The following DDIAS variants were observed in gnomAD, a reference collection of about 807,000 sequenced individuals.
DDIAS encodes DNA damage induced apoptosis suppressor.
DDIAS carries 14 observed loss-of-function variants against 15.7 expected under a neutral mutation model. The observed-to-expected ratio is 0.89, with a 90% CI of 0.59 to 1.39. DDIAS has a LOEUF of 1.39. Ranked by LOEUF, DDIAS falls within the 40% of genes most tolerant of loss-of-function variation. The probability of loss-of-function intolerance (pLI) is 0.00; values close to 1 mark genes in which losing one functional copy is unlikely to be tolerated. For synonymous variants in DDIAS, 355 were observed against 395.9 expected (o/e 0.90, Z 1.23); for missense variants, 1,035 against 1,130.9 (o/e 0.92, Z 1.22).
At chr11:82,909,080 G>C (rs1904426) in intron 1 of DDIAS, among the ~76,000 whole-genome samples, 71,824 of 151,964 alleles carry the variant, frequency 0.47, 17,144 homozygotes, top group African/African-American at 0.53. Context: ...AGTCCATAAA[G>C]TGAGAGCAAG....
chr11:82,911,910 A>C (rs1278804620), intron 1 of DDIAS, among the ~76,000 whole-genome samples: 1 of 152,156 alleles, frequency 6.6e-6, no homozygotes, highest in Non-Finnish European at 1.5e-5. Flanking sequence ...TGTGCATCTC[A>C]TCAGAGCTCT....
intron 1 of DDIAS, among the ~76,000 whole-genome samples, chr11:82,906,653 G>A (rs1860437242): frequency 6.6e-6 from 1 of 151,994 alleles, no homozygotes. Context: ...TATTGTTGTG[G>A]TACAGTATAA....
chr11:82,902,551 CTT>C (rs1053604972), intron 1 of DDIAS, among the ~76,000 whole-genome samples: 4 of 152,216 alleles, frequency 2.6e-5, no homozygotes, highest in African/African-American at 9.7e-5. Flanking sequence ...AGCCCAAACT[CTT>C]TAACATGACT....
chr11:82,920,523 T>G (rs1434060081), intron 3 of DDIAS, among the ~76,000 whole-genome samples: 4 of 152,220 alleles, frequency 2.6e-5, no homozygotes, highest in Admixed American at 6.5e-5. Context: ...GACTATGACC[T>G]TTCCTTTTAG....
At chr11:82,917,579 C>T (rs1860657809) in intron 3 of DDIAS, among the ~76,000 whole-genome samples, 2 of 152,142 alleles carry the variant, frequency 1.3e-5, no homozygotes, top group African/African-American at 4.8e-5. Context: ...CACGATTTTG[C>T]AATTGTGAAC....
chr11:82,925,509 G>T (rs997684081), intron 3 of DDIAS, among the ~76,000 whole-genome samples: 8 of 152,046 alleles, frequency 5.3e-5, no homozygotes, highest in Non-Finnish European at 7.4e-5. Flanking sequence ...GAGGCAGGAG[G>T]ATCTCTTGAG....
intron 3 of DDIAS, among the ~76,000 whole-genome samples, chr11:82,920,290 C>G (rs763651602): frequency 1.3e-5 from 2 of 151,940 alleles, no homozygotes; most frequent in Non-Finnish European, 2.9e-5. Context: ...ATCTTGCTAA[C>G]GGTCTATCAA....
chr11:82,921,664 G>C (rs1371024071), intron 3 of DDIAS, among the ~76,000 whole-genome samples: 2 of 130,014 alleles, frequency 1.5e-5, no homozygotes, highest in Non-Finnish European at 3.1e-5. Flanking sequence ...TGCACCCTCC[G>C]CCCCCCCAGG....
Position 82,932,309 on chromosome 11 carries a change from CA to C in DDIAS, c.972del (p.Val325PhefsTer54). On this transcript the variant is annotated frameshift_variant, in exon 6 of 6. Transcript: ENST00000533655. LOFTEE classifies it low-confidence loss of function (END_TRUNC). ...ELGLQAKELS[A>X]VHSSHHEIGV... ...GGCTTACAAGCTAAGGAGCTGAGTG[CA>C]GTTCACAGCAGTCATCATGAAATTG... The C allele has an allele frequency of 6.2e-7, 1 of 1,613,978 alleles. No individual in the cohort carries two copies.
In DDIAS at chr11:82,933,178, T is replaced by A. The variant is rs1861037827; in HGVS notation, c.1840T>A (p.Tyr614Asn). 6.2e-7 allele frequency: 1 copy of A among 1,612,052 alleles called. No individual in the cohort carries two copies. The highest frequency in any genetic ancestry group is 1.1e-5 in the South Asian group (1 of 90,896). The stretch of plus-strand genomic sequence containing the variant: ...TCTTTGCAAATTAGAAAATAAACAA[T>A]ATTGTAGGTGGTCCAAGAACCAAGA... ...SDLCKLENKQYCRWSKNQDDS... is the reference protein window; with the variant it reads ...SDLCKLENKQNCRWSKNQDDS... The change falls in exon 6 of 6, where the codon TAT becomes AAT. Residue 614 changes from tyrosine (Y) to asparagine (N), a missense_variant. Tyr to Asn is a moderately radical substitution (Grantham distance 143, BLOSUM62 -2). Transcript: ENST00000533655.
intron 3 of DDIAS, among the ~76,000 whole-genome samples, chr11:82,920,668 A>G (rs1389509789): frequency 6.6e-6 from 1 of 152,112 alleles, no homozygotes; most frequent in African/African-American, 2.4e-5. Flanking sequence ...TTTAATTTCC[A>G]TGTATTGGCA....
chr11:82,932,519 C>T lies in DDIAS; in HGVS notation c.1181C>T (p.Ser394Leu), dbSNP rs140627913. 1.2e-4 allele frequency: 190 copies of T among 1,614,192 alleles called. No homozygotes were observed. In the South Asian group the frequency reaches 1.9e-3, roughly 16 times the overall value. The change falls in exon 6 of 6, where the codon TCG becomes TTG. Residue 394 changes from serine (S) to leucine (L), a missense_variant. Physicochemically the swap from Ser to Leu is moderately radical, Grantham distance 145. Transcript: ENST00000533655. The stretch of plus-strand genomic sequence containing the variant: ...AAGAGATCTGCATGTTGTCCACCTT[C>T]GTTACTCAGACTTGAAGAGACAGCC... ...LQKRSACCPP[S>L]LLRLEETASS... is the part of the protein sequence containing the mutation.
chr11:82,914,059 C>T, intron 2 of DDIAS: 1 of 353,256 alleles, frequency 2.8e-6, no homozygotes, highest in South Asian at 2.1e-5. Context: ...GCCGCAGCCT[C>T]CTGAGTAGCT....
In DDIAS at chr11:82,932,026, T is replaced by C. The variant is rs1396071826; in HGVS notation, c.688T>C (p.Cys230Arg). The change falls in exon 6 of 6, where the codon TGC becomes CGC. Residue 230 changes from cysteine (C) to arginine (R), a missense_variant. Cys to Arg is a radical substitution (Grantham distance 180). Transcript: ENST00000533655. The stretch of plus-strand genomic sequence containing the variant: ...CAGCACTTCTGATTTTTTCAAGTCC[T>C]GCAGCAAGGATACTTTTTCAAAATT... ...SDSTSDFFKS[C>R]SKDTFSKFWQ... 2 of 1,614,076 alleles carry C rather than the reference T, an allele frequency of 1.2e-6. No individual in the cohort carries two copies. The highest frequency in any genetic ancestry group is 2.7e-5 in the African/African-American group (2 of 74,954).
intron 3 of DDIAS, among the ~76,000 whole-genome samples, chr11:82,916,695 C>T (rs1286405165): frequency 6.6e-6 from 1 of 152,108 alleles, no homozygotes; most frequent in Non-Finnish European, 1.5e-5. Flanking sequence ...TGAGTGTTTG[C>T]TGTACAGTAG....
chr11:82,929,074 T>C, intron 4 of DDIAS, 136 bp downstream of exon 4: 1 of 950,330 alleles, frequency 1.1e-6, no homozygotes, highest in Middle Eastern at 3.1e-4. Context: ...GACAAGCAAG[T>C]AAGAAAGATG....
rs1429266040 is a variant in DDIAS at position 82,925,243 on chromosome 11, TA to T, written c.114-3533del. On this transcript the variant is annotated intron_variant, in intron 3 of 5. Transcript: ENST00000533655. ...AAAGGGTCTGTTTTTAATGAATTAA[TA>T]TTTTTTTGATTTCTCAGTTTTAATT... is the stretch of plus-strand genomic sequence containing the variant. Among the ~76,000 whole-genome samples, 6 of 152,378 alleles carry T rather than the reference TA, an allele frequency of 3.9e-5. No homozygotes were observed. In the East Asian group the frequency reaches 1.2e-3, roughly 29 times the overall value.
intron 3 of DDIAS, among the ~76,000 whole-genome samples, chr11:82,916,509 C>T (rs957120544): frequency 6.6e-6 from 1 of 151,906 alleles, no homozygotes; most frequent in Non-Finnish European, 1.5e-5. Flanking sequence ...GGTTAATATA[C>T]ATAACATGCC....
Position 82,932,662 on chromosome 11 carries a change from A to G in DDIAS, c.1324A>G (p.Ser442Gly). ...TGCTGTAACCCAGGCAGATGTCAGTAGTAGGAAACATCATGTAGATAATGA... is the reference window on the plus strand; with the variant it reads ...TGCTGTAACCCAGGCAGATGTCAGTGGTAGGAAACATCATGTAGATAATGA... ...EIAVTQADVS[S>G]RKHHVDNDID... Residue 442 changes from serine (S) to glycine (G), a missense_variant, in exon 6 of 6, where the codon AGT (serine) becomes GGT (glycine). By Grantham distance (56) the Ser-to-Gly change is moderately conservative. Coordinates refer to ENST00000533655, the MANE Select transcript of DDIAS (RefSeq NM_145018.4). 6.2e-7 allele frequency: 1 copy of G among 1,614,078 alleles called. No homozygotes were observed.
Sources: allele counts gnomAD v4.1 joint callset (sites outside exome capture counted in the v4.1 genomes callset), GRCh38; gene constraint gnomAD v4.1.1; transcripts MANE v1.5; gene names NCBI Gene and HGNC (gene_info 2026-07-23, HGNC 2026-07-21).